Variants in ZNF827 observed in about 807,000 individuals in gnomAD.
ZNF827 encodes zinc finger protein 827.
A neutral mutation model predicts 102.4 loss-of-function variants in ZNF827; 13 were observed. The ratio of observed to expected loss-of-function variants is 0.13; its 90% CI spans 0.08 to 0.20. The LOEUF (loss-of-function observed/expected upper bound fraction) is 0.20, where lower values mean the gene tolerates loss of function less well. Ranked by LOEUF, ZNF827 falls within the 10% of genes least tolerant of loss-of-function variation. ZNF827 has a pLI of 1.00. For missense variants in ZNF827, 1,103 were observed against 1,344.4 expected (o/e 0.82, Z 2.81); for synonymous variants, 523 against 536.2 (o/e 0.98, Z 0.34).
intron 7 of ZNF827, among the ~76,000 whole-genome samples, chr4:145,835,889 C>T (rs1404332927): frequency 2.6e-5 from 4 of 151,646 alleles, no homozygotes; most frequent in East Asian, 1.9e-4. Flanking sequence ...TCAGGATCTG[C>T]GCCTTATCAA....
chr4:145,899,476 C>T (rs1168415107), intron 2 of ZNF827, among the ~76,000 whole-genome samples: 1 of 152,168 alleles, frequency 6.6e-6, no homozygotes, highest in Non-Finnish European at 1.5e-5. Context: ...TCTGTGAACT[C>T]CTTATTAACC....
At chr4:145,848,728 T>C (rs1384304696) in intron 6 of ZNF827, among the ~76,000 whole-genome samples, 1 of 152,206 alleles carries the variant, frequency 6.6e-6, no homozygotes, top group Non-Finnish European at 1.5e-5. Flanking sequence ...AACTATTTCA[T>C]CCAGACACCT....
intron 1 of ZNF827, among the ~76,000 whole-genome samples, chr4:145,936,928 G>A (rs960817624): frequency 8.6e-5 from 13 of 151,784 alleles, no homozygotes; most frequent in African/African-American, 3.1e-4. Context: ...GGGGAGAGAA[G>A]AGAAATTGAC....
At chr4:145,899,032 G>A (rs1408951752) in intron 2 of ZNF827, among the ~76,000 whole-genome samples, 1 of 151,964 alleles carries the variant, frequency 6.6e-6, no homozygotes, top group Non-Finnish European at 1.5e-5. Context: ...GTGGCTTTTT[G>A]TTGTTGTTCT....
At chr4:145,858,419 G>C (rs1747380877) in intron 5 of ZNF827, among the ~76,000 whole-genome samples, 1 of 152,016 alleles carries the variant, frequency 6.6e-6, no homozygotes. Context: ...ACTGCTTGAG[G>C]TTAGGAGTTC....
chr4:145,819,978 C>G (rs970848569), intron 8 of ZNF827: 2 of 152,278 alleles, frequency 1.3e-5, no homozygotes, highest in African/African-American at 2.4e-5. Context: ...CAGATGCCAT[C>G]TGCCGAAGGC....
At chr4:145,819,536 T>C (rs1742941966) in intron 8 of ZNF827, among the ~76,000 whole-genome samples, 1 of 152,188 alleles carries the variant, frequency 6.6e-6, no homozygotes, top group Non-Finnish European at 1.5e-5. Flanking sequence ...GAATCTTTCT[T>C]CTATTGATGT....
In ZNF827 at chr4:145,793,006, G is replaced by A. The variant is rs185502793; in HGVS notation, c.2384-13495C>T. Reference sequence around the variant, plus strand: ...GATTTTTCTCATGCATTATGACTTGGCCACCTTGGAAAGTGTCTCTTCCTA... The same window carrying A: ...GATTTTTCTCATGCATTATGACTTGACCACCTTGGAAAGTGTCTCTTCCTA... On this transcript the variant is annotated intron_variant, in intron 8 of 14. Coordinates refer to ENST00000508784, the MANE Select transcript of ZNF827 (RefSeq NM_001306215.2). Among the ~76,000 whole-genome samples, 209 of 151,830 alleles carry A rather than the reference G, an allele frequency of 1.4e-3. 1 individual carries two copies. The highest frequency in any genetic ancestry group is 1.6e-3 in the Non-Finnish European group (106 of 67,956).
intron 7 of ZNF827, among the ~76,000 whole-genome samples, chr4:145,823,902 A>G (rs978950290): frequency 6.6e-6 from 1 of 152,116 alleles, no homozygotes; most frequent in East Asian, 1.9e-4. Flanking sequence ...CCCGGTAGAG[A>G]TGGAATTGCC....
At chr4:145,880,832 G>A (rs557280428) in intron 4 of ZNF827, among the ~76,000 whole-genome samples, 3 of 152,358 alleles carry the variant, frequency 2.0e-5, no homozygotes, top group African/African-American at 4.8e-5. Context: ...ATGCCCAGGC[G>A]TGGGGAGTGG....
At chr4:145,785,486 A>G (rs1405721853) in intron 8 of ZNF827, among the ~76,000 whole-genome samples, 1 of 152,180 alleles carries the variant, frequency 6.6e-6, no homozygotes, top group Non-Finnish European at 1.5e-5. Context: ...GTTCATTTTC[A>G]GGAGGATAAA....
Position 145,903,002 on chromosome 4 carries a change from A to G in ZNF827, c.257T>C (p.Leu86Pro). The G allele has an allele frequency of 1.9e-6, 3 of 1,614,196 alleles. No homozygotes were observed. Among genetic ancestry groups the G allele is most frequent in the Non-Finnish European group, 2.5e-6 (3 of 1,180,040 alleles). The change falls in exon 2 of 15, where the codon CTG becomes CCG. Residue 86 changes from leucine (L) to proline (P), a missense_variant. This residue lies in a region of ZNF827 where 441 missense variants were observed against 458.6 expected (regional missense o/e 0.96). Coordinates refer to ENST00000508784, the MANE Select transcript of ZNF827 (RefSeq NM_001306215.2). ...PSSHTLELVA[L>P]DSEVLRDSLQ... The stretch of plus-strand genomic sequence containing the variant: ...TGAGTCTCGCAGGACCTCACTGTCC[A>G]GTGCCACCAGCTCCAACGTGTGGCT...
In ZNF827 at chr4:145,879,177, A is replaced by T. The variant is rs142447948; in HGVS notation, c.1747+6501T>A. Among the ~76,000 whole-genome samples the T allele has an allele frequency of 5.0e-4, 76 of 152,292 alleles. 1 individual carries two copies. The East Asian group carries it at 0.013, about 25-fold the overall frequency. On this transcript the variant is annotated intron_variant, in intron 4 of 14. Transcript: ENST00000508784. ...AGTCAAGAGCCAACCTTCTGTGGTT[A>T]CCCAGAGCTGAATCCTTGCTCTGTC...
chr4:145,816,290 T>C (rs774833282), intron 8 of ZNF827, among the ~76,000 whole-genome samples: 1 of 152,238 alleles, frequency 6.6e-6, no homozygotes, highest in Non-Finnish European at 1.5e-5. Context: ...ACTCAAACCA[T>C]ATGGGCAGAG....
intron 8 of ZNF827, among the ~76,000 whole-genome samples, chr4:145,798,640 C>T (rs771087227): frequency 2.0e-5 from 3 of 152,036 alleles, no homozygotes; most frequent in Non-Finnish European, 4.4e-5. Context: ...GCACTCCAGC[C>T]GGGGTGACAA....
chr4:145,841,918 TAAAAA>T (rs538146718), intron 7 of ZNF827, among the ~76,000 whole-genome samples: 1 of 142,630 alleles, frequency 7.0e-6, no homozygotes, highest in Non-Finnish European at 1.5e-5. Context: ...GTTCTTAGGA[TAAAAA>T]AAAAAAACAA....
chr4:145,834,304 C>T (rs1291942189), intron 7 of ZNF827, among the ~76,000 whole-genome samples: 1 of 152,044 alleles, frequency 6.6e-6, no homozygotes, highest in Non-Finnish European at 1.5e-5. Context: ...CAACTTGTCC[C>T]AAATCTTCCT....
chr4:145,815,634 G>A (rs2126436803), intron 8 of ZNF827, among the ~76,000 whole-genome samples: 1 of 152,318 alleles, frequency 6.6e-6, no homozygotes, highest in Non-Finnish European at 1.5e-5. Flanking sequence ...TAAACACAAA[G>A]AAGAAATTGC....
chr4:145,870,212 C>T (rs1262896198), intron 5 of ZNF827, 33 bp downstream of exon 5: 1 of 1,603,888 alleles, frequency 6.2e-7, no homozygotes, highest in Non-Finnish European at 8.5e-7. Context: ...GTGAAACTAT[C>T]AGAATGTGAA....
Sources: gnomAD v4.1 joint callset for allele counts (sites outside exome capture counted in the v4.1 genomes callset) on GRCh38, gnomAD v4.1.1 for gene constraint, gnomAD v4.1.1 regional missense constraint, MANE v1.5 for transcripts, NCBI Gene and HGNC (gene_info 2026-07-23, HGNC 2026-07-21) for gene names.